ASCC3: variants seen among roughly 807,000 people sequenced by gnomAD.
ASCC3 encodes the protein activating signal cointegrator 1 complex subunit 3, also known as ASC-1 complex subunit P200.
A neutral mutation model predicts 256.3 loss-of-function variants in ASCC3; 158 were observed. The observed-to-expected ratio is 0.62, with a 90% CI of 0.54 to 0.70. ASCC3 has a LOEUF of 0.70. ASCC3 is among the 30% of genes least tolerant of loss of function. The pLI, the probability that ASCC3 is intolerant of heterozygous loss-of-function variation, is 0.00. For missense variants in ASCC3, 2,259 were observed against 2,626.0 expected (o/e 0.86, Z 3.05); for synonymous variants, 948 against 883.4 (o/e 1.07, Z -1.30).
chr6:100,642,193 T>C (rs1235302113), intron 24 of ASCC3, among the ~76,000 whole-genome samples: 3 of 151,914 alleles, frequency 2.0e-5, no homozygotes, highest in Non-Finnish European at 4.4e-5. Flanking sequence ...AAAGGGTAGA[T>C]GTTATTTGCA....
At chr6:100,701,701 G>A (rs956976690) in intron 13 of ASCC3, among the ~76,000 whole-genome samples, 7 of 151,962 alleles carry the variant, frequency 4.6e-5, no homozygotes, top group South Asian at 2.1e-4. Context: ...AACTATAGCT[G>A]GAATTACGAA....
intron 4 of ASCC3, among the ~76,000 whole-genome samples, chr6:100,841,170 G>A (rs371061207): frequency 5.3e-5 from 8 of 152,108 alleles, no homozygotes; most frequent in Non-Finnish European, 1.2e-4. Flanking sequence ...AGAAAAGAGC[G>A]GAACAAAACC....
intron 14 of ASCC3, among the ~76,000 whole-genome samples, chr6:100,676,729 T>C (rs1257795030): frequency 6.7e-6 from 1 of 148,784 alleles, no homozygotes; most frequent in Non-Finnish European, 1.5e-5. Context: ...CAAGCAAATG[T>C]ATGTGTGCGC....
chr6:100,785,671 CA>C (rs1310923509), intron 8 of ASCC3, among the ~76,000 whole-genome samples: 3 of 152,150 alleles, frequency 2.0e-5, no homozygotes, highest in African/African-American at 7.2e-5. Context: ...CTTGGCCTCC[CA>C]AAGTGCTAGG....
At chr6:100,881,016 G>C (rs1179568881) in intron 1 of ASCC3, 45 bp downstream of exon 1, 1 of 152,336 alleles carries the variant, frequency 6.6e-6, no homozygotes, top group Non-Finnish European at 1.5e-5. Flanking sequence ...TCCCCTGGCC[G>C]CGGCGACCCT....
chr6:100,797,599 G>C (rs1769695220), intron 8 of ASCC3, among the ~76,000 whole-genome samples: 1 of 151,234 alleles, frequency 6.6e-6, no homozygotes, highest in Admixed American at 6.6e-5. Flanking sequence ...TAATTGTTTA[G>C]TTTTATTGGC....
chr6:100,842,970 G>C (rs567398028), intron 4 of ASCC3, among the ~76,000 whole-genome samples: 2 of 152,128 alleles, frequency 1.3e-5, no homozygotes, highest in African/African-American at 4.8e-5. Flanking sequence ...ATGAGACTCT[G>C]TCTCTGAAAG....
In ASCC3 at chr6:100,508,970, C is replaced by T. The variant is rs537375615; in HGVS notation, c.*416G>A. ...CCACCTTACAGATTTATAGTTTATG[C>T]GGCAGAGTTAGAAATCTGTGACAAG... On this transcript the variant is annotated 3_prime_UTR_variant, in exon 42 of 42. Coordinates refer to ENST00000369162, the MANE Select transcript of ASCC3 (RefSeq NM_006828.4). 1.4e-5 allele frequency: 3 copies of T among 217,592 alleles called. No homozygotes were observed. Among genetic ancestry groups the T allele is most frequent in the African/African-American group, 4.7e-5 (2 of 42,790 alleles). The allele number at this position is 217,592 out of a possible 1,614,324, so 13.5% of individuals were successfully genotyped here. A position where few individuals can be genotyped will look rare whatever the true frequency, so the allele number is the denominator to read the frequency against.
chr6:100,806,654 A>T (rs567767688), intron 4 of ASCC3, among the ~76,000 whole-genome samples: 2 of 151,972 alleles, frequency 1.3e-5, no homozygotes, highest in Non-Finnish European at 2.9e-5. Flanking sequence ...AATTCTAACC[A>T]TTCTCAGAGA....
intron 14 of ASCC3, among the ~76,000 whole-genome samples, chr6:100,668,293 A>G (rs1372370058): frequency 1.3e-5 from 2 of 152,094 alleles, no homozygotes; most frequent in African/African-American, 4.8e-5. Flanking sequence ...ATTTGAAAGA[A>G]TATGAAAGAA....
At chr6:100,650,334 T>C (rs1461768094) in intron 20 of ASCC3, among the ~76,000 whole-genome samples, 2 of 151,672 alleles carry the variant, frequency 1.3e-5, no homozygotes, top group African/African-American at 2.4e-5. Flanking sequence ...AAAAGCCCTA[T>C]CAGTCACCAA....
Position 100,606,868 on chromosome 6 carries a change from G to A in ASCC3, c.4924-8C>T, listed in dbSNP as rs1028272851. The A allele has an allele frequency of 1.2e-6, 2 of 1,610,606 alleles. No homozygotes were observed. The highest frequency in any genetic ancestry group is 2.2e-5 in the East Asian group (1 of 44,694). On this transcript the variant is annotated splice_region_variant and splice_polypyrimidine_tract_variant and intron_variant, in intron 31 of 41. Transcript: ENST00000369162. ...GCTTGTAGCAATAAGAACCTAAAAA[G>A]CAAAATAAAATATCTTATATCTAAG...
At position 100,848,261 on chromosome 6, in the gene ASCC3, A is replaced by G. The variant is rs1390757786; in HGVS notation, c.688T>C (p.Tyr230His). 1.9e-6 allele frequency: 3 copies of G among 1,614,096 alleles called. No homozygotes were observed. The highest frequency in any genetic ancestry group is 2.5e-6 in the Non-Finnish European group (3 of 1,179,984). Residue 230 changes from tyrosine (Y) to histidine (H), a missense_variant, in exon 4 of 42, where the codon TAC becomes CAC. By Grantham distance (83) the Tyr-to-His change is moderately conservative. Coordinates refer to ENST00000369162, the MANE Select transcript of ASCC3 (RefSeq NM_006828.4). ...GSFLWCEVEK[Y>H]LNSTLKEMTE... ...ATTTCCTTCAAAGTTGAATTTAGGT[A>G]CTTTTCAACTTCACACCACAAAAAG...
chr6:100,666,813 A>G (rs1776498665), intron 14 of ASCC3, among the ~76,000 whole-genome samples: 1 of 152,160 alleles, frequency 6.6e-6, no homozygotes, highest in South Asian at 2.1e-4. Flanking sequence ...TAAGAAGAGT[A>G]CCTCCTAACA....
intron 13 of ASCC3, among the ~76,000 whole-genome samples, chr6:100,687,068 A>ACACACACACACG (rs1777609232): frequency 6.8e-6 from 1 of 146,590 alleles, no homozygotes; most frequent in Non-Finnish European, 1.5e-5. Flanking sequence ...ACACACACAC[A>ACACACACACACG]GACCTGATCT....
intron 10 of ASCC3, among the ~76,000 whole-genome samples, chr6:100,746,492 CTT>C (rs1434561598): frequency 6.6e-6 from 1 of 152,110 alleles, no homozygotes; most frequent in African/African-American, 2.4e-5. Flanking sequence ...TTTTTTCCTA[CTT>C]TCTAAAACTT....
intron 40 of ASCC3, 54 bp from the exon 41 acceptor site, chr6:100,510,161 A>G: frequency 6.3e-7 from 1 of 1,596,154 alleles, no homozygotes; most frequent in South Asian, 1.1e-5. Context: ...TTCCTATACC[A>G]CTTGGTTGTG....
At chr6:100,696,771 A>T (rs1291968393) in intron 13 of ASCC3, among the ~76,000 whole-genome samples, 2 of 152,122 alleles carry the variant, frequency 1.3e-5, no homozygotes, top group African/African-American at 4.8e-5. Context: ...TATACAAGTT[A>T]GGTTTCATTT....
chr6:100,615,876 G>T (rs1474879895), intron 30 of ASCC3, among the ~76,000 whole-genome samples: 1 of 152,154 alleles, frequency 6.6e-6, no homozygotes, highest in East Asian at 1.9e-4. Context: ...CAGCTTAATA[G>T]TTTATTTACT....
Sources: gnomAD v4.1 joint callset for allele counts (sites outside exome capture counted in the v4.1 genomes callset) on GRCh38, gnomAD v4.1.1 for gene constraint, MANE v1.5 for transcripts, NCBI Gene and HGNC (gene_info 2026-07-23, HGNC 2026-07-21) for gene names.